Variants in DMXL1 observed in about 807,000 individuals in gnomAD.
DMXL1 encodes Dmx like 1.
A neutral mutation model predicts 319.2 loss-of-function variants in DMXL1; 99 were observed. The observed-to-expected ratio is 0.31, with a 90% CI of 0.26 to 0.37. The LOEUF (loss-of-function observed/expected upper bound fraction) is 0.37, where lower values mean the gene tolerates loss of function less well. DMXL1 is among the 10% of genes least tolerant of loss of function. DMXL1 has a pLI of 1.00. For synonymous variants in DMXL1, 1,385 were observed against 1,235.2 expected (o/e 1.12, Z -2.54); for missense variants, 3,745 against 3,595.6 (o/e 1.04, Z -1.06).
intron 33 of DMXL1, among the ~76,000 whole-genome samples, chr5:119,205,438 T>C (rs1272670591): frequency 6.6e-6 from 1 of 152,134 alleles, no homozygotes; most frequent in Non-Finnish European, 1.5e-5. Context: ...TTAAAATTAT[T>C]TTTATTGTAA....
At chr5:119,246,725 C>G (rs2150774512) in intron 43 of DMXL1, among the ~76,000 whole-genome samples, 1 of 151,560 alleles carries the variant, frequency 6.6e-6, no homozygotes, top group African/African-American at 2.4e-5. Context: ...ACTCCACCTC[C>G]CGGGTCGAAG....
Position 119,110,242 on chromosome 5 carries a change from A to C in DMXL1, c.456A>C (p.Thr152=). The C allele has an allele frequency of 3.8e-6, 6 of 1,585,284 alleles. No individual in the cohort carries two copies. Among genetic ancestry groups the C allele is most frequent in the Non-Finnish European group, 5.1e-6 (6 of 1,172,324 alleles). The change falls in exon 5 of 44, where the codon ACA becomes ACC. Residue 152 remains threonine, a synonymous_variant. Coordinates refer to ENST00000539542, the MANE Select transcript of DMXL1 (RefSeq NM_001290321.3). ...CTGAAGATGAAAATTTAAATAAAACAGATCTTAACTTTGGAGATTGGAAAT... is the reference window on the plus strand; with the variant it reads ...CTGAAGATGAAAATTTAAATAAAACCGATCTTAACTTTGGAGATTGGAAAT... ...KPTEDENLNK[T]DLNFGDWKCI...
At chr5:119,072,569 A>G (rs1309045661) in intron 1 of DMXL1, among the ~76,000 whole-genome samples, 2 of 152,242 alleles carry the variant, frequency 1.3e-5, no homozygotes, top group Non-Finnish European at 2.9e-5. Context: ...TTAATTTTGT[A>G]TAAGTGACAC....
intron 20 of DMXL1, 136 bp downstream of exon 20, chr5:119,164,812 C>A: frequency 1.5e-6 from 1 of 681,820 alleles, no homozygotes; most frequent in Non-Finnish European, 2.3e-6. Flanking sequence ...CTTTACATTT[C>A]ATTTATAACG....
intron 26 of DMXL1, 24 bp downstream of exon 26, chr5:119,175,361 A>G (rs200990458): frequency 3.2e-5 from 49 of 1,537,868 alleles, no homozygotes; most frequent in Middle Eastern, 3.4e-4. Context: ...TATGAAATTT[A>G]AGAATGCTTA....
intron 15 of DMXL1, among the ~76,000 whole-genome samples, chr5:119,146,523 A>T (rs761278305): frequency 1.3e-5 from 2 of 151,994 alleles, no homozygotes; most frequent in Non-Finnish European, 2.9e-5. Flanking sequence ...TGAAGTACAT[A>T]TTACATAGTT....
chr5:119,171,335 G>A, intron 24 of DMXL1, 55 bp downstream of exon 24: 1 of 1,503,752 alleles, frequency 6.7e-7, no homozygotes, highest in Non-Finnish European at 8.9e-7. Context: ...TGTTTTTGGT[G>A]TTTCTTTTTT....
chr5:119,231,491 G>A (rs1786716045), intron 38 of DMXL1, among the ~76,000 whole-genome samples: 1 of 152,172 alleles, frequency 6.6e-6, no homozygotes, highest in Non-Finnish European at 1.5e-5. Context: ...AATGCACAGT[G>A]AGAAACAGTA....
At chr5:119,234,025 C>G (rs1415993067) in intron 39 of DMXL1, among the ~76,000 whole-genome samples, 1 of 152,130 alleles carries the variant, frequency 6.6e-6, no homozygotes, top group Non-Finnish European at 1.5e-5. Flanking sequence ...CTACTTCCTA[C>G]TACAGCAGCA....
chr5:119,080,487 T>G (rs1376915277), intron 1 of DMXL1, among the ~76,000 whole-genome samples: 1 of 152,050 alleles, frequency 6.6e-6, no homozygotes, highest in African/African-American at 2.4e-5. Flanking sequence ...ATCCAGCTGG[T>G]TTTTTTTAAG....
intron 5 of DMXL1, among the ~76,000 whole-genome samples, chr5:119,112,251 G>A (rs992074369): frequency 1.3e-5 from 2 of 152,198 alleles, no homozygotes; most frequent in Non-Finnish European, 2.9e-5. Context: ...ATGAGCCACC[G>A]TGCCCGGCCT....
intron 31 of DMXL1, 151 bp downstream of exon 31, chr5:119,196,607 C>T (rs372096263): frequency 4.8e-6 from 3 of 618,992 alleles, no homozygotes; most frequent in Middle Eastern, 3.8e-4. Context: ...AACCAACCAT[C>T]TGTAAATGTA....
rs1780057676 is a variant in DMXL1, at chr5:119,198,457, T to G, written c.7745+501T>G. Among the ~76,000 whole-genome samples, 5 of 152,356 alleles carry G rather than the reference T, an allele frequency of 3.3e-5. No homozygotes were observed. In the South Asian group the frequency reaches 1.0e-3, roughly 32 times the overall value. On this transcript the variant is annotated intron_variant, in intron 32 of 43. Transcript: ENST00000539542. The stretch of plus-strand genomic sequence containing the variant: ...TCTTAAAATGGTAGGTAGGCTAGAT[T>G]TGGACTGTGAGCTATAGTTTATTGA...
chr5:119,194,972 T>C (rs1171387139), intron 30 of DMXL1, among the ~76,000 whole-genome samples: 1 of 151,898 alleles, frequency 6.6e-6, no homozygotes, highest in Non-Finnish European at 1.5e-5. Context: ...CCAATAAGCA[T>C]ATGAAAAGAT....
chr5:119,141,708 A>G (rs954619699), intron 13 of DMXL1, among the ~76,000 whole-genome samples: 1 of 152,150 alleles, frequency 6.6e-6, no homozygotes, highest in African/African-American at 2.4e-5. Flanking sequence ...TTACAGATTC[A>G]ATGCTATTCC....
At chr5:119,094,964 T>C (rs1470547360) in intron 1 of DMXL1, among the ~76,000 whole-genome samples, 1 of 151,912 alleles carries the variant, frequency 6.6e-6, no homozygotes, top group African/African-American at 2.4e-5. Flanking sequence ...CAGGTTATCC[T>C]CCCACCTCAG....
At chr5:119,220,351 A>G (rs1478263991) in intron 35 of DMXL1, 121 bp from the exon 36 acceptor site, 3 of 779,478 alleles carry the variant, frequency 3.8e-6, no homozygotes, top group Non-Finnish European at 6.0e-6. Context: ...AGAATGCTGT[A>G]TATCCTGTAC....
chr5:119,206,727 T>C, intron 33 of DMXL1, 107 bp from the exon 34 acceptor site: 1 of 632,078 alleles, frequency 1.6e-6, no homozygotes, highest in Non-Finnish European at 2.6e-6. Context: ...ATAATGTTCT[T>C]TTCTAGTAAA....
intron 9 of DMXL1, among the ~76,000 whole-genome samples, chr5:119,122,099 ACCTC>A (rs1762233563): frequency 1.0e-5 from 1 of 98,804 alleles, no homozygotes. Context: ...TGACCCCCCC[ACCTC>A]CCTCCCGGAC....
Sources: gnomAD v4.1 joint callset for allele counts (sites outside exome capture counted in the v4.1 genomes callset) on GRCh38, gnomAD v4.1.1 for gene constraint, MANE v1.5 for transcripts, NCBI Gene and HGNC (gene_info 2026-07-23, HGNC 2026-07-21) for gene names.